H3-3A: variants seen among roughly 807,000 people sequenced by gnomAD.
H3-3A encodes the protein H3.3 histone A.
For synonymous variants in H3-3A, 49 were observed against 61.4 expected (o/e 0.80, Z 0.95); for missense variants, 7 against 184.0 (o/e 0.04, Z 5.57).
In H3-3A at chr1:226,071,902, C is replaced by G. The variant is rs1350050581; in HGVS notation, c.*423C>G. On this transcript the variant is annotated 3_prime_UTR_variant, in exon 4 of 4. Transcript: ENST00000366815. ...CAGTAGATTCCATCCATTCACTATACTTTTCTAACTGAGTTGTCCTACATG... is the reference window on the plus strand; with the variant it reads ...CAGTAGATTCCATCCATTCACTATAGTTTTCTAACTGAGTTGTCCTACATG... 9.3e-6 allele frequency: 2 copies of G among 214,676 alleles called. No individual in the cohort carries two copies. Among genetic ancestry groups the G allele is most frequent in the Admixed American group, 5.9e-5 (1 of 16,962 alleles). The allele number at this position is 214,676 out of a possible 1,614,324, so 13.3% of individuals were successfully genotyped here.
chr1:226,066,097 C>G lies in H3-3A; in HGVS notation c.282+288C>G, dbSNP rs1022445698. Reference sequence around the variant, plus strand: ...AAAAACAATATTTAAAGAAAATCCTCTGGTTTGGTTTATGGATGCTGCAGG... The same window carrying G: ...AAAAACAATATTTAAAGAAAATCCTGTGGTTTGGTTTATGGATGCTGCAGG... On this transcript the variant is annotated intron_variant, in intron 3 of 3. Transcript: ENST00000366815. 7 of 499,992 alleles carry G rather than the reference C, an allele frequency of 1.4e-5. No individual in the cohort carries two copies. The East Asian group carries it at 2.1e-4, about 15-fold the overall frequency. 31.0% of individuals were successfully genotyped at this position (499,992 alleles called of 1,614,324 possible).
chr1:226,064,343 C>CT lies in H3-3A; in HGVS notation c.-8dup. ...AATGCTGGTAGGTAAGTAAGGAGGT[C>CT]TCTGTACCATGGCTCGTACAAAGCA... On this transcript the variant is annotated 5_prime_UTR_variant, in exon 2 of 4. Transcript: ENST00000366815. 6.2e-7 allele frequency: 1 copy of CT among 1,611,034 alleles called. No individual in the cohort carries two copies.
chr1:226,071,443 C>T lies in H3-3A; in HGVS notation c.375C>T (p.Ile125=), dbSNP rs565622769. ...GTGTAACAATTATGCCAAAAGACAT[C>T]CAGCTAGCACGCCGCATACGTGGAG... ...AKRVTIMPKD[I]QLARRIRGER... is the part of the protein sequence containing the mutation. The change falls in exon 4 of 4, where the codon ATC becomes ATT. Residue 125 remains isoleucine (I), a synonymous_variant. Transcript: ENST00000366815. The T allele has an allele frequency of 2.6e-6, 3 of 1,166,446 alleles. No homozygotes were observed. The East Asian group carries it at 7.0e-5, about 27-fold the overall frequency. The allele number at this position is 1,166,446 out of a possible 1,614,324, so 72.3% of individuals were successfully genotyped here.
upstream of H3-3A, among the ~76,000 whole-genome samples, chr1:226,062,307 C>T (rs1657734510): frequency 6.6e-6 from 1 of 150,476 alleles, no homozygotes; most frequent in African/African-American, 2.4e-5. Context: ...GGCGTTCACC[C>T]GCCGCGCCTC....
chr1:226,062,400 G>C (rs936844436), upstream of H3-3A, among the ~76,000 whole-genome samples: 4 of 151,434 alleles, frequency 2.6e-5, no homozygotes, highest in East Asian at 5.9e-4. Flanking sequence ...CACACGGAGC[G>C]GGATGGGAGT....
At chr1:226,067,460 C>T (rs757676532) in intron 3 of H3-3A, among the ~76,000 whole-genome samples, 7 of 151,920 alleles carry the variant, frequency 4.6e-5, no homozygotes, top group South Asian at 2.1e-4. Flanking sequence ...GAGAGTGGGC[C>T]GGGCGCCGTG....
chr1:226,061,947 G>C (rs1008043355), upstream of H3-3A: 4 of 152,250 alleles, frequency 2.6e-5, no homozygotes, highest in African/African-American at 7.2e-5. Flanking sequence ...GGGCTGCCCT[G>C]CACGCAGGCG....
At chr1:226,066,576 T>C (rs1426367902) in intron 3 of H3-3A, 2 of 152,234 alleles carry the variant, frequency 1.3e-5, no homozygotes, top group Non-Finnish European at 2.9e-5. Flanking sequence ...TAAAGGTATG[T>C]AGACGTCATT....
chr1:226,066,769 A>C (rs1657938709), intron 3 of H3-3A: 1 of 152,630 alleles, frequency 6.6e-6, no homozygotes, highest in Admixed American at 6.5e-5. Flanking sequence ...GGGGGCATCC[A>C]GAATCTAAGT....
At chr1:226,065,889 A>T in intron 3 of H3-3A, 80 bp downstream of exon 3, 1 of 1,035,568 alleles carries the variant, frequency 9.7e-7, no homozygotes, top group South Asian at 1.4e-5. Context: ...GCATGTGCTT[A>T]TATCATTTAA....
rs191548658 is a variant in H3-3A, at chr1:226,067,229, G to A, written c.282+1420G>A. 16 of 152,204 alleles carry A rather than the reference G, an allele frequency of 1.1e-4. No individual in the cohort carries two copies. The East Asian group carries it at 3.1e-3, about 29-fold the overall frequency. 9.4% of individuals were successfully genotyped at this position (152,204 alleles called of 1,614,324 possible). ...AATTTACTAAACAATCTGGGTAAAA[G>A]ACTCATCTTTCTAAAATTATTCACA... On this transcript the variant is annotated intron_variant, in intron 3 of 3. Transcript: ENST00000366815.
chr1:226,070,774 G>A (rs1239060398), intron 3 of H3-3A, among the ~76,000 whole-genome samples: 3 of 6,610 alleles, frequency 4.5e-4, no homozygotes, highest in African/African-American at 4.9e-4. Context: ...CTCCATCTCA[G>A]AAAGAAAGAA....
At chr1:226,068,857 A>G (rs1404477738) in intron 3 of H3-3A, among the ~76,000 whole-genome samples, 1 of 152,206 alleles carries the variant, frequency 6.6e-6, no homozygotes, top group African/African-American at 2.4e-5. Flanking sequence ...AACAGGAGCA[A>G]GAGACAAGTA....
rs780786010 is a variant in H3-3A at position 226,064,319 on chromosome 1, A to G, written c.-23-10A>G. ...GCATATGGTGATTTTTGATTTTTCA[A>G]TGCTGGTAGGTAAGTAAGGAGGTCT... On this transcript the variant is annotated splice_polypyrimidine_tract_variant and intron_variant, in intron 1 of 3. Transcript: ENST00000366815. The G allele has an allele frequency of 2.2e-5, 35 of 1,601,344 alleles. No individual in the cohort carries two copies. Among genetic ancestry groups the G allele is most frequent in the South Asian group, 7.8e-5 (7 of 89,328 alleles).
At chr1:226,067,321 T>C (rs1488020455) in intron 3 of H3-3A, 2 of 152,220 alleles carry the variant, frequency 1.3e-5, no homozygotes, top group African/African-American at 4.8e-5. Context: ...TTAAGCAAAA[T>C]GTTCACCTCT....
At chr1:226,066,894 C>A (rs1657942884) in intron 3 of H3-3A, 2 of 152,194 alleles carry the variant, frequency 1.3e-5, no homozygotes, top group South Asian at 4.1e-4. Context: ...CGAGCTGTTT[C>A]TATGGTTAAT....
rs112211611 is a variant in H3-3A at position 226,065,065 on chromosome 1, A to T, written c.128+586A>T. Among the ~76,000 whole-genome samples the T allele has an allele frequency of 7.2e-5, 11 of 152,384 alleles. 1 individual carries two copies. The highest frequency in any genetic ancestry group is 2.6e-4 in the African/African-American group (11 of 41,596). On this transcript the variant is annotated intron_variant, in intron 2 of 3. Transcript: ENST00000366815. ...AATAAAAGCTCATACAGTGGAAGAAATAAGTCAGAATGAGAGGTAAATTTC... is the reference window on the plus strand; with the variant it reads ...AATAAAAGCTCATACAGTGGAAGAATTAAGTCAGAATGAGAGGTAAATTTC...
intron 2 of H3-3A, among the ~76,000 whole-genome samples, chr1:226,064,989 A>G (rs1370982393): frequency 6.6e-6 from 1 of 152,242 alleles, no homozygotes; most frequent in African/African-American, 2.4e-5. Flanking sequence ...CTGCCATTAG[A>G]GGGCAGAAGT....
At chr1:226,065,911 TC>T in intron 3 of H3-3A, 102 bp downstream of exon 3, 1 of 891,168 alleles carries the variant, frequency 1.1e-6, no homozygotes, top group Non-Finnish European at 1.8e-6. Flanking sequence ...CACAAGCCTG[TC>T]AGGTAGTTGA....
Sources: allele counts gnomAD v4.1 joint callset (sites outside exome capture counted in the v4.1 genomes callset), GRCh38; gene constraint gnomAD v4.1.1; transcripts MANE v1.5; gene names NCBI Gene and HGNC (gene_info 2026-07-23, HGNC 2026-07-21).